Variants in IQGAP2 observed in about 807,000 individuals in gnomAD.
IQGAP2 encodes ras GTPase-activating-like protein IQGAP2.
A neutral mutation model predicts 201.3 loss-of-function variants in IQGAP2; 173 were observed. That is an observed-to-expected ratio of 0.86 (90% CI 0.76 to 0.98). The LOEUF is 0.98. IQGAP2 is among the 50% of genes least tolerant of loss of function. The pLI is 0.00. For missense variants in IQGAP2, 1,687 were observed against 1,864.8 expected (o/e 0.90, Z 1.76); for synonymous variants, 675 against 673.9 (o/e 1.00, Z -0.03).
At chr5:76,618,248 A>T (rs914148101) in intron 13 of IQGAP2, 4 of 1,614,044 alleles carry the variant, frequency 2.5e-6, no homozygotes, top group African/African-American at 2.7e-5. Flanking sequence ...TCCCATTGAG[A>T]TGATAAGCTA....
At position 76,702,479 on chromosome 5, in the gene IQGAP2, C is replaced by T. The variant is rs992714262; in HGVS notation, c.4506-3C>T. 4.3e-6 allele frequency: 6 copies of T among 1,387,150 alleles called. No homozygotes were observed. The highest frequency in any genetic ancestry group is 6.1e-6 in the Non-Finnish European group (6 of 975,966). 85.9% of individuals were successfully genotyped at this position (1,387,150 alleles called of 1,614,324 possible). On this transcript the variant is annotated splice_polypyrimidine_tract_variant and splice_region_variant and intron_variant, in intron 34 of 35. Transcript: ENST00000274364. ...TCATGTATGAATGTTCCTTTCTTCACAGGTTTAAGAATGTTACATTTGATA... is the reference window on the plus strand; with the variant it reads ...TCATGTATGAATGTTCCTTTCTTCATAGGTTTAAGAATGTTACATTTGATA...
At chr5:76,570,780 T>A in intron 4 of IQGAP2, 123 bp downstream of exon 4, 1 of 697,800 alleles carries the variant, frequency 1.4e-6, no homozygotes, top group South Asian at 1.8e-5. Context: ...ATGTGAGGAC[T>A]AAAAAACATG....
At chr5:76,439,152 G>A (rs1443070535) in intron 1 of IQGAP2, among the ~76,000 whole-genome samples, 1 of 152,128 alleles carries the variant, frequency 6.6e-6, no homozygotes, top group African/African-American at 2.4e-5. Context: ...CCATGTATTT[G>A]TATAGTTTTG....
chr5:76,539,228 G>A (rs1311586002), intron 2 of IQGAP2, among the ~76,000 whole-genome samples: 1 of 152,204 alleles, frequency 6.6e-6, no homozygotes, highest in Non-Finnish European at 1.5e-5. Context: ...TCTCTGTCCA[G>A]GGGTTGTAGG....
At chr5:76,606,139 A>G in intron 11 of IQGAP2, 40 bp from the exon 12 acceptor site, 1 of 1,538,056 alleles carries the variant, frequency 6.5e-7, no homozygotes, top group Non-Finnish European at 8.8e-7. Flanking sequence ...CGAAGAATGA[A>G]TGTCTCTAAT....
intron 14 of IQGAP2, 105 bp downstream of exon 14, chr5:76,627,605 GT>G: frequency 1.4e-6 from 1 of 714,238 alleles, no homozygotes; most frequent in Non-Finnish European, 2.5e-6. Context: ...TTCTTACCAA[GT>G]TTTAGTTCTT....
At chr5:76,453,511 C>T (rs976977247) in intron 1 of IQGAP2, among the ~76,000 whole-genome samples, 8 of 152,242 alleles carry the variant, frequency 5.3e-5, no homozygotes, top group African/African-American at 1.9e-4. Flanking sequence ...CTCACTGTTC[C>T]CTTGTCTTCT....
In IQGAP2 at chr5:76,637,133, C is replaced by T. The variant is rs1751205742; in HGVS notation, c.1880C>T (p.Ser627Leu). The change falls in exon 16 of 36, where the codon TCA becomes TTA. Residue 627 changes from serine to leucine, a missense_variant. By Grantham distance (145) the Ser-to-Leu change is moderately radical. Coordinates refer to ENST00000274364, the MANE Select transcript of IQGAP2 (RefSeq NM_006633.5). ...GAGAGTTCCTGGGTCACACCTGAAT[C>T]ATGCTTGTATAAAGAATCATGGCTC... Reference protein sequence around the residue: ...SKESSWVTPESCLYKESWLTG... With the variant: ...SKESSWVTPELCLYKESWLTG... 1 of 1,611,056 alleles carries T rather than the reference C, an allele frequency of 6.2e-7. No homozygotes were observed. Among genetic ancestry groups the T allele is most frequent in the East Asian group, 2.2e-5 (1 of 44,764 alleles).
chr5:76,528,358 C>CTATT (rs10640976), intron 2 of IQGAP2, among the ~76,000 whole-genome samples: 117,942 of 151,732 alleles, frequency 0.78, 46,466 homozygotes, highest in East Asian at 0.96. Flanking sequence ...GTATTCTGCT[C>CTATT]TATTTTATAT....
intron 26 of IQGAP2, among the ~76,000 whole-genome samples, 179 bp downstream of exon 26, chr5:76,674,215 A>C (rs1744604446): frequency 6.6e-6 from 1 of 152,178 alleles, no homozygotes; most frequent in Non-Finnish European, 1.5e-5. Context: ...GAGATCCTAG[A>C]CATTATTGAA....
intron 2 of IQGAP2, among the ~76,000 whole-genome samples, chr5:76,512,845 A>G (rs912027284): frequency 6.6e-6 from 1 of 152,182 alleles, no homozygotes; most frequent in Non-Finnish European, 1.5e-5. Flanking sequence ...TCACGAGGTC[A>G]GTAGTTCGAG....
intron 2 of IQGAP2, among the ~76,000 whole-genome samples, chr5:76,494,471 A>G (rs1211755466): frequency 2.0e-5 from 3 of 152,168 alleles, no homozygotes; most frequent in African/African-American, 7.2e-5. Context: ...CAAGTTCTCC[A>G]TCATTATTAT....
rs556790110 is a variant in IQGAP2, at chr5:76,555,939, G to A, written c.147-6457G>A. 1.4e-4 allele frequency among the ~76,000 whole-genome samples: 21 copies of A among 152,310 alleles called. No individual in the cohort carries two copies. The South Asian group carries it at 2.7e-3, about 20-fold the overall frequency. On this transcript the variant is annotated intron_variant, in intron 2 of 35. Coordinates refer to ENST00000274364, the MANE Select transcript of IQGAP2 (RefSeq NM_006633.5). The stretch of plus-strand genomic sequence containing the variant: ...AGTCACTTGGCACCTTACAGATGCT[G>A]TGGGGCTACGAATGCAGACTCTGGT...
chr5:76,604,355 C>T (rs1747652357), intron 11 of IQGAP2, among the ~76,000 whole-genome samples: 1 of 151,898 alleles, frequency 6.6e-6, no homozygotes, highest in Admixed American at 6.6e-5. Flanking sequence ...TGTATATGTG[C>T]CACATTTTCT....
chr5:76,641,142 A>G (rs751651363), intron 17 of IQGAP2, 39 bp downstream of exon 17: 5 of 1,433,102 alleles, frequency 3.5e-6, no homozygotes, highest in Admixed American at 2.0e-5. Context: ...CAAAACTGTC[A>G]TATCACCTGA....
At chr5:76,636,482 A>G (rs1751135899) in intron 15 of IQGAP2, among the ~76,000 whole-genome samples, 1 of 152,082 alleles carries the variant, frequency 6.6e-6, no homozygotes, top group Admixed American at 6.5e-5. Context: ...GGAACCAGGA[A>G]TTTTCTTTTT....
At chr5:76,620,126 G>T (rs925588517) in intron 13 of IQGAP2, among the ~76,000 whole-genome samples, 1 of 152,176 alleles carries the variant, frequency 6.6e-6, no homozygotes, top group Admixed American at 6.5e-5. Context: ...CACTCAGTTT[G>T]TAATGATTTG....
chr5:76,575,997 C>T (rs910034707), intron 5 of IQGAP2, among the ~76,000 whole-genome samples: 5 of 151,946 alleles, frequency 3.3e-5, no homozygotes, highest in Admixed American at 2.0e-4. Context: ...AAATAGAAAA[C>T]CAGAAAATGA....
chr5:76,609,331 T>G, intron 12 of IQGAP2: 1 of 1,094,876 alleles, frequency 9.1e-7, no homozygotes, highest in Non-Finnish European at 1.3e-6. Context: ...GACAGTACCT[T>G]GTATATAGAT....
Sources: allele counts gnomAD v4.1 joint callset (sites outside exome capture counted in the v4.1 genomes callset), GRCh38; gene constraint gnomAD v4.1.1; transcripts MANE v1.5; gene names NCBI Gene and HGNC (gene_info 2026-07-23, HGNC 2026-07-21).